Variants in SAV1 observed in about 807,000 individuals in gnomAD.
The protein encoded by SAV1 is salvador family WW domain containing protein 1, also known as protein salvador homolog 1.
Under a neutral mutation model 47.3 loss-of-function variants are expected in SAV1, and 23 were observed. The observed-to-expected ratio is 0.49, with a 90% CI of 0.35 to 0.69. The LOEUF (loss-of-function observed/expected upper bound fraction) is 0.69. Among genes scored for constraint, SAV1 ranks in the 30% least tolerant of loss-of-function variants. SAV1 has a pLI of 0.01. For missense variants in SAV1, 448 were observed against 457.4 expected, an observed-to-expected ratio of 0.98 and a Z score of 0.19; for synonymous variants, 155 against 159.2, an observed-to-expected ratio of 0.97 and a Z score of 0.20.
At position 50,659,304 on chromosome 14, in the gene SAV1, A is replaced by C. The variant is rs1050166013; in HGVS notation, c.535+5875T>G. The stretch of plus-strand genomic sequence containing the variant: ...TAAAACTACTGTATTGCAGGAGGCA[A>C]GTCTATCTGGCCTATGGGTGTAGCT... On this transcript the variant is annotated intron_variant, in intron 2 of 4. Coordinates refer to ENST00000324679, the MANE Select transcript of SAV1 (RefSeq NM_021818.4). Among the ~76,000 whole-genome samples, 15 of 152,206 alleles carry C rather than the reference A, an allele frequency of 9.9e-5. 1 individual carries two copies. Among genetic ancestry groups the C allele is most frequent in the African/African-American group, 3.6e-4 (15 of 41,440 alleles).
chr14:50,652,774 T>C (rs1014221305), intron 2 of SAV1, among the ~76,000 whole-genome samples: 1 of 152,250 alleles, frequency 6.6e-6, no homozygotes, highest in African/African-American at 2.4e-5. Flanking sequence ...CTCACGCCTA[T>C]AATCCCAACA....
Position 50,635,146 on chromosome 14 carries a change from A to C in SAV1, c.*37T>G. ...AATTTTTTATCTGTGAAAATATTTT[A>C]AAGCTCTTACAAAACTTAAATTTTT... On this transcript the variant is annotated 3_prime_UTR_variant, in exon 5 of 5. Coordinates refer to ENST00000324679, the MANE Select transcript of SAV1 (RefSeq NM_021818.4). The C allele has an allele frequency of 6.7e-7, 1 of 1,491,574 alleles. No individual in the cohort carries two copies. The highest frequency in any genetic ancestry group is 9.3e-7 in the Non-Finnish European group (1 of 1,072,486). The allele number at this position is 1,491,574 out of a possible 1,614,324, so 92.4% of individuals were successfully genotyped here.
intron 4 of SAV1, among the ~76,000 whole-genome samples, chr14:50,638,340 A>ACAC (rs1175375893): frequency 6.6e-6 from 1 of 152,194 alleles, no homozygotes; most frequent in Admixed American, 6.5e-5. Context: ...TGGGTGTAAA[A>ACAC]CACTCCAGTA....
At position 50,665,451 on chromosome 14, in the gene SAV1, C is replaced by A. The variant is rs149412077; in HGVS notation, c.263G>T (p.Arg88Ile). 2 of 1,613,720 alleles carry A rather than the reference C, an allele frequency of 1.2e-6. No individual in the cohort carries two copies. Among genetic ancestry groups the A allele is most frequent in the Admixed American group, 1.7e-5 (1 of 59,968 alleles). The change falls in exon 2 of 5, where the codon AGA becomes ATA. Residue 88 changes from arginine (R) to isoleucine (I), a missense_variant. Physicochemically the swap from Arg to Ile is moderately conservative, Grantham distance 97 (BLOSUM62 -3). Transcript: ENST00000324679. Reference protein sequence around the residue: ...IQRTPHEIMRRESNRLSAPSY... With the variant: ...IQRTPHEIMRIESNRLSAPSY... ...AGGTGCAGATAATCTGTTGCTTTCT[C>A]TTCTCATTATTTCATGAGGTGTTCT... is the stretch of plus-strand genomic sequence containing the variant.
intron 4 of SAV1, among the ~76,000 whole-genome samples, chr14:50,639,227 T>A (rs555994282): frequency 6.6e-6 from 1 of 152,318 alleles, no homozygotes; most frequent in African/African-American, 2.4e-5. Flanking sequence ...ATGCAAAAAT[T>A]GTGTTGGTAA....
chr14:50,651,597 A>C (rs2039770402), intron 2 of SAV1, among the ~76,000 whole-genome samples: 1 of 152,352 alleles, frequency 6.6e-6, no homozygotes, highest in African/African-American at 2.4e-5. Context: ...CAGAAAAATT[A>C]ATTCAAAGTG....
chr14:50,634,811 T>TA lies in SAV1; in HGVS notation c.*371dup, dbSNP rs200073090. The TA allele has an allele frequency of 8.4e-3, 1,479 of 175,458 alleles. 18 individuals are homozygous for TA. Among genetic ancestry groups the TA allele is most frequent in the African/African-American group, 0.033 (1,387 of 41,614 alleles). 10.9% of individuals were successfully genotyped at this position (175,458 alleles called of 1,614,324 possible). On this transcript the variant is annotated 3_prime_UTR_variant, in exon 5 of 5. Transcript: ENST00000324679. ...ACACTACAGCGGTAAACTTTTTTTT[T>TA]AAAAAAATACCGCAGATTCTTTTTT...
At position 50,667,724 on chromosome 14, in the gene SAV1, C is replaced by T. The variant is rs538719299; in HGVS notation, c.94+150G>A. ...CTTATGGGCTTTCAATCAACGAATA[C>T]CACTTCAGACACAAGAAAATCTCAA... On this transcript the variant is annotated intron_variant, in intron 1 of 4. Transcript: ENST00000324679. The T allele has an allele frequency of 4.9e-5, 31 of 628,202 alleles. No individual in the cohort carries two copies. In the African/African-American group the frequency reaches 5.4e-4, roughly 11 times the overall value. The allele number at this position is 628,202 out of a possible 1,614,324, so 38.9% of individuals were successfully genotyped here.
chr14:50,652,113 G>GT (rs1304939470), intron 2 of SAV1, among the ~76,000 whole-genome samples: 1 of 152,082 alleles, frequency 6.6e-6, no homozygotes, highest in East Asian at 1.9e-4. Flanking sequence ...AAGATTTTCA[G>GT]TATGAGAAAA....
At chr14:50,636,525 G>C (rs536741058) in intron 4 of SAV1, among the ~76,000 whole-genome samples, 1 of 152,288 alleles carries the variant, frequency 6.6e-6, no homozygotes, top group African/African-American at 2.4e-5. Context: ...AAAAGATTCT[G>C]TTTACATATA....
chr14:50,648,650 C>T (rs187532834), intron 2 of SAV1, among the ~76,000 whole-genome samples: 22 of 151,934 alleles, frequency 1.4e-4, no homozygotes, highest in African/African-American at 4.1e-4. Flanking sequence ...TGGTGGCGGG[C>T]GCCTGTAGTC....
Position 50,662,239 on chromosome 14 carries a change from G to A in SAV1, c.535+2940C>T, listed in dbSNP as rs1281211907. On this transcript the variant is annotated intron_variant, in intron 2 of 4. Transcript: ENST00000324679. ...GCTGGAGTGCAGTGGCGCAATCTCAGCTCACTGCAAGCTCCGCCTCCCGGG... is the reference window on the plus strand; with the variant it reads ...GCTGGAGTGCAGTGGCGCAATCTCAACTCACTGCAAGCTCCGCCTCCCGGG... Among the ~76,000 whole-genome samples the A allele has an allele frequency of 2.0e-5, 3 of 152,258 alleles. No homozygotes were observed. In the East Asian group the frequency reaches 5.8e-4, roughly 29 times the overall value.
At chr14:50,655,812 G>A (rs1006152213) in intron 2 of SAV1, among the ~76,000 whole-genome samples, 3 of 152,128 alleles carry the variant, frequency 2.0e-5, no homozygotes, top group Admixed American at 6.5e-5. Context: ...CTGGGGGGCC[G>A]AGGTGGGTGG....
intron 2 of SAV1, among the ~76,000 whole-genome samples, chr14:50,656,319 G>C (rs1385940723): frequency 6.6e-6 from 1 of 152,002 alleles, no homozygotes; most frequent in Non-Finnish European, 1.5e-5. Flanking sequence ...TACCCAAAAA[G>C]TTGCAAATAG....
At chr14:50,661,854 TAACCTTG>T (rs1475880860) in intron 2 of SAV1, among the ~76,000 whole-genome samples, 22 of 152,234 alleles carry the variant, frequency 1.4e-4, no homozygotes, top group Non-Finnish European at 2.9e-5. Flanking sequence ...GTGGTTACTA[TAACCTTG>T]TATGTGGTTA....
At chr14:50,654,668 T>G (rs1036916009) in intron 2 of SAV1, among the ~76,000 whole-genome samples, 3 of 152,198 alleles carry the variant, frequency 2.0e-5, no homozygotes, top group African/African-American at 7.2e-5. Flanking sequence ...ACACAGTATC[T>G]GCGAAACACA....
At chr14:50,641,654 G>C (rs1316614698) in intron 3 of SAV1, among the ~76,000 whole-genome samples, 3 of 152,142 alleles carry the variant, frequency 2.0e-5, no homozygotes, top group Admixed American at 2.0e-4. Context: ...AAAGCACAAT[G>C]AAATAAATAC....
chr14:50,651,121 G>A (rs912473904), intron 2 of SAV1, among the ~76,000 whole-genome samples: 3 of 151,912 alleles, frequency 2.0e-5, no homozygotes, highest in African/African-American at 7.3e-5. Flanking sequence ...AACTTCATGA[G>A]AGATCCTGAG....
chr14:50,650,659 T>A (rs1050593875), intron 2 of SAV1, among the ~76,000 whole-genome samples: 4 of 152,130 alleles, frequency 2.6e-5, no homozygotes, highest in Admixed American at 6.5e-5. Flanking sequence ...GAGAAGCCCA[T>A]GAGTGAGGAA....
Sources: allele counts gnomAD v4.1 joint callset (sites outside exome capture counted in the v4.1 genomes callset), GRCh38; gene constraint gnomAD v4.1.1; transcripts MANE v1.5; gene names NCBI Gene and HGNC (gene_info 2026-07-23, HGNC 2026-07-21).